TOP6BL: variants seen among roughly 807,000 people sequenced by gnomAD.
TOP6BL encodes the protein type 2 DNA topoisomerase 6 subunit B-like.
the TOP6BL span, chr11:66,828,369 G>A: frequency 6.2e-7 from 1 of 1,601,714 alleles, no homozygotes; most frequent in Non-Finnish European, 8.5e-7. Flanking sequence ...AAGCAGGTAA[G>A]TGTAAATAAT....
At chr11:66,821,513 G>A in the TOP6BL span, 2 of 969,970 alleles carry the variant, frequency 2.1e-6, no homozygotes, top group Non-Finnish European at 2.9e-6. Context: ...CTGACCTCGT[G>A]ATCCGCCCGC....
the TOP6BL span, among the ~76,000 whole-genome samples, chr11:66,808,954 G>C: frequency 2.0e-5 from 3 of 152,260 alleles, no homozygotes; most frequent in Middle Eastern, 3.4e-3. Flanking sequence ...GTGTGTGTGT[G>C]TGCGTGTGTG....
chr11:66,789,913 G>A, the TOP6BL span, among the ~76,000 whole-genome samples: 1 of 152,160 alleles, frequency 6.6e-6, no homozygotes, highest in African/African-American at 2.4e-5. Context: ...TCATCCAGAC[G>A]TGTGTTTGTT....
chr11:66,843,268 G>T, the TOP6BL span: 2 of 1,602,692 alleles, frequency 1.2e-6, no homozygotes, highest in Admixed American at 1.7e-5. Flanking sequence ...CCACCGATCC[G>T]GAGGCTGCGG....
chr11:66,745,802 GTTT>G, the TOP6BL span, among the ~76,000 whole-genome samples: 1 of 149,434 alleles, frequency 6.7e-6, no homozygotes, highest in East Asian at 1.9e-4. Flanking sequence ...GGGTTTGTTT[GTTT>G]GTTTGTTTGT....
the TOP6BL span, among the ~76,000 whole-genome samples, chr11:66,794,831 A>T: frequency 8.8e-4 from 134 of 152,226 alleles, no homozygotes; most frequent in African/African-American, 3.0e-3. Flanking sequence ...GAGCCTTTTT[A>T]AAAAAATCTA....
At chr11:66,761,668 AAAAATGTTGTCCACC>A in the TOP6BL span, 1 of 1,049,866 alleles carries the variant, frequency 9.5e-7, no homozygotes, top group Non-Finnish European at 1.4e-6. Context: ...ACTCATCTGC[AAAAATGTTGTCCACC>A]CCTTGGTCCG....
At chr11:66,758,865 A>G in the TOP6BL span, among the ~76,000 whole-genome samples, 1 of 152,154 alleles carries the variant, frequency 6.6e-6, no homozygotes, top group Non-Finnish European at 1.5e-5. Context: ...TTTTCCTCAA[A>G]ACAGTCATTG....
chr11:66,786,915 T>A, the TOP6BL span, among the ~76,000 whole-genome samples: 1 of 151,806 alleles, frequency 6.6e-6, no homozygotes, highest in East Asian at 1.9e-4. Context: ...CCATTAAGAT[T>A]GATAGCTACA....
chr11:66,809,962 A>G, the TOP6BL span, among the ~76,000 whole-genome samples: 239 of 152,306 alleles, frequency 1.6e-3, no homozygotes, highest in Middle Eastern at 3.4e-3. Flanking sequence ...TTCATGATCA[A>G]TGAACCCTAA....
chr11:66,758,302 C>CTTTTCTTTTTTTTTTT, the TOP6BL span: 8 of 67,326 alleles, frequency 1.2e-4, no homozygotes, highest in East Asian at 4.9e-4. Flanking sequence ...TTTTCTTTTT[C>CTTTTCTTTTTTTTTTT]TTTTTTTTTT....
the TOP6BL span, among the ~76,000 whole-genome samples, chr11:66,750,586 C>T: frequency 6.6e-6 from 1 of 151,646 alleles, no homozygotes; most frequent in East Asian, 1.9e-4. Flanking sequence ...ACCCTGCGTG[C>T]TTCCCCCATC....
At chr11:66,804,031 C>G in the TOP6BL span, 2 of 1,612,534 alleles carry the variant, frequency 1.2e-6, no homozygotes, top group Non-Finnish European at 8.5e-7. Context: ...CACACTGCAG[C>G]AGAATTCACC....
At chr11:66,744,846 G>GGCGGT in the TOP6BL span, 1 of 1,282,218 alleles carries the variant, frequency 7.8e-7, no homozygotes, top group South Asian at 2.6e-5. Context: ...GCGGCGGCGG[G>GGCGGT]CGGGTACCCT....
the TOP6BL span, among the ~76,000 whole-genome samples, chr11:66,823,238 G>A: frequency 6.8e-6 from 1 of 145,986 alleles, no homozygotes; most frequent in South Asian, 2.1e-4. Flanking sequence ...AGGTTGCAGT[G>A]AGCCGAGATC....
chr11:66,754,593 CT>C, the TOP6BL span, among the ~76,000 whole-genome samples: 1 of 152,146 alleles, frequency 6.6e-6, no homozygotes, highest in Non-Finnish European at 1.5e-5. Context: ...TCTAATTGGG[CT>C]TTTAACTGGG....
At chr11:66,767,294 A>T in the TOP6BL span, among the ~76,000 whole-genome samples, 88 of 152,116 alleles carry the variant, frequency 5.8e-4, no homozygotes, top group African/African-American at 2.0e-3. Context: ...ATATTCATTT[A>T]TGTGTATACT....
At chr11:66,826,263 AC>A in the TOP6BL span, among the ~76,000 whole-genome samples, 21 of 152,288 alleles carry the variant, frequency 1.4e-4, no homozygotes, top group East Asian at 3.7e-3. Flanking sequence ...TATATTTGTA[AC>A]CAAAGCATTC....
At chr11:66,767,339 G>A in the TOP6BL span, among the ~76,000 whole-genome samples, 1 of 151,892 alleles carries the variant, frequency 6.6e-6, no homozygotes, top group Non-Finnish European at 1.5e-5. Context: ...TATCATAAAT[G>A]TCTTTTAGTG....
Sources: allele counts gnomAD v4.1 joint callset (sites outside exome capture counted in the v4.1 genomes callset), GRCh38; gene constraint gnomAD v4.1.1; transcripts MANE v1.5; gene names NCBI Gene and HGNC (gene_info 2026-07-23, HGNC 2026-07-21).